PKD2L1: variants seen among roughly 807,000 people sequenced by gnomAD.
PKD2L1 encodes the protein polycystin 2 like 1, transient receptor potential cation channel.
Under a neutral mutation model 93.0 loss-of-function variants are expected in PKD2L1, and 77 were observed. The ratio of observed to expected loss-of-function variants is 0.83; its 90% CI spans 0.69 to 1.00. PKD2L1 has a LOEUF of 1.00. PKD2L1 is among the 50% of genes least tolerant of loss of function. The pLI is 0.00. For missense variants in PKD2L1, 977 were observed against 990.9 expected (o/e 0.99, Z 0.19); for synonymous variants, 390 against 388.0 (o/e 1.01, Z -0.06).
At position 100,329,331 on chromosome 10, in the gene PKD2L1, G is replaced by C. The variant is rs1438400379; in HGVS notation, c.236-7C>G. On this transcript the variant is annotated splice_region_variant and splice_polypyrimidine_tract_variant and intron_variant, in intron 1 of 15. Transcript: ENST00000318222. ...AGGGTTGTTCCCCAAAGTCCTAAGG[G>C]GCATGGGAGAGATGCCTGGGATGCT... The C allele has an allele frequency of 6.2e-7, 1 of 1,614,114 alleles. No individual in the cohort carries two copies. Among genetic ancestry groups the C allele is most frequent in the South Asian group, 1.1e-5 (1 of 91,082 alleles).
At chr10:100,315,642 A>G (rs1849085141) in intron 2 of PKD2L1, among the ~76,000 whole-genome samples, 1 of 152,212 alleles carries the variant, frequency 6.6e-6, no homozygotes, top group African/African-American at 2.4e-5. Flanking sequence ...TTTAATAAAT[A>G]TATTACCAGT....
chr10:100,313,215 A>C (rs1204116144), intron 2 of PKD2L1, among the ~76,000 whole-genome samples: 1 of 152,236 alleles, frequency 6.6e-6, no homozygotes, highest in African/African-American at 2.4e-5. Context: ...CAAAGAGTAT[A>C]CTAGTGCTGA....
chr10:100,300,861 T>TG (rs1848658644), intron 2 of PKD2L1, among the ~76,000 whole-genome samples: 2 of 152,216 alleles, frequency 1.3e-5, no homozygotes, highest in Non-Finnish European at 2.9e-5. Context: ...GTGATTTTTT[T>TG]TTTCACTGTT....
intron 1 of PKD2L1, among the ~76,000 whole-genome samples, chr10:100,329,591 G>A (rs3750713): frequency 0.044 from 6,686 of 152,208 alleles, 300 homozygotes; most frequent in African/African-American, 0.11. Flanking sequence ...GTAGTCTAGG[G>A]CATCATCACA....
At chr10:100,297,702 TTGTGTGTGTGTG>T (rs60373525) in intron 4 of PKD2L1, 96 bp from the exon 5 acceptor site, 19,228 of 605,594 alleles carry the variant, frequency 0.032, 130 homozygotes, top group Non-Finnish European at 0.035. Flanking sequence ...GGTTTACATA[TTGTGTGTGTGTG>T]TGTGTGTGTG....
intron 13 of PKD2L1, 112 bp downstream of exon 13, chr10:100,290,289 G>C: frequency 8.0e-7 from 1 of 1,248,810 alleles, no homozygotes; most frequent in Non-Finnish European, 1.1e-6. Context: ...GGGGAGCGGA[G>C]GTTCTCCCTG....
At position 100,297,150 on chromosome 10, in the gene PKD2L1, C is replaced by G; in HGVS notation, c.1015G>C (p.Val339Leu). 1 of 1,614,172 alleles carries G rather than the reference C, an allele frequency of 6.2e-7. No individual in the cohort carries two copies. Among genetic ancestry groups the G allele is most frequent in the Non-Finnish European group, 8.5e-7 (1 of 1,180,044 alleles). ...TTGCTGACATAGCGGATCAGCTTGACTGTGCGGATTTGCCAGGATGGGATG... is the reference window on the plus strand; with the variant it reads ...TTGCTGACATAGCGGATCAGCTTGAGTGTGCGGATTTGCCAGGATGGGATG... ...GAIPSWQIRT[V>L]KLIRYVSNWD... The change falls in exon 6 of 16, where the codon GTC (valine) becomes CTC (leucine). Residue 339 changes from valine to leucine, a missense_variant. By Grantham distance (32) the Val-to-Leu change is conservative (BLOSUM62 1). Transcript: ENST00000318222.
rs1430770476 is a variant in PKD2L1, at chr10:100,314,958, AGAAAGAAGGAAGGAAGGAAGGAAG to A, written c.349+14229_349+14252del. On this transcript the variant is annotated intron_variant, in intron 2 of 15. Coordinates refer to ENST00000318222, the MANE Select transcript of PKD2L1 (RefSeq NM_016112.3). ...GCTAAGGCAGAAAAGAAAGAAAGAAAGAAAGAAGGAAGGAAGGAAGGAAGGAAGGAAGGAAGGAAGGAAGGAAGG... is the reference window on the plus strand; with the variant it reads ...GCTAAGGCAGAAAAGAAAGAAAGAAAGAAGGAAGGAAGGAAGGAAGGAAGG... 1.8e-3 allele frequency among the ~76,000 whole-genome samples: 80 copies of A among 43,732 alleles called. 5 individuals are homozygous for A. The highest frequency in any genetic ancestry group is 0.023 in the Middle Eastern group (2 of 88). 28.7% of individuals were successfully genotyped at this position (43,732 alleles called of 152,430 possible).
chr10:100,304,560 C>T (rs1848756347), intron 2 of PKD2L1, among the ~76,000 whole-genome samples: 1 of 151,948 alleles, frequency 6.6e-6, no homozygotes, highest in Admixed American at 6.6e-5. Flanking sequence ...GTGGCACTAT[C>T]ATAGCTCACT....
chr10:100,292,816 G>A, intron 11 of PKD2L1, 132 bp downstream of exon 11: 1 of 922,190 alleles, frequency 1.1e-6, no homozygotes, highest in Non-Finnish European at 1.6e-6. Flanking sequence ...TACGGGCAAA[G>A]ATCTGAAGCC....
At chr10:100,328,730 A>T (rs1849433993) in intron 2 of PKD2L1, among the ~76,000 whole-genome samples, 1 of 151,954 alleles carries the variant, frequency 6.6e-6, no homozygotes, top group Non-Finnish European at 1.5e-5. Flanking sequence ...AGTAGCTGGG[A>T]TTACAGGCAC....
rs1281040819 is a variant in PKD2L1, at chr10:100,298,658, A to C, written c.635T>G (p.Val212Gly). ...AATGTCCTCCCGGAAGTCTTCATGC[A>C]CCACACAGGAGTCATTGCGGACCTT... Reference protein sequence around the residue: ...QLKVRNDSCVVHEDFREDILS... With the variant: ...QLKVRNDSCVGHEDFREDILS... The change falls in exon 4 of 16, where the codon GTG (valine) becomes GGG (glycine). Residue 212 changes from valine (V) to glycine (G), a missense_variant. Val to Gly is a moderately radical substitution (Grantham distance 109). Transcript: ENST00000318222. 3.7e-6 allele frequency: 6 copies of C among 1,614,144 alleles called. No homozygotes were observed. The East Asian group carries it at 1.3e-4, about 36-fold the overall frequency.
rs139568989 is a variant in PKD2L1 at position 100,298,726 on chromosome 10, G to A, written c.567C>T (p.Tyr189=). 519 of 1,614,096 alleles carry A rather than the reference G, an allele frequency of 3.2e-4. No individual in the cohort carries two copies. The African/African-American group carries it at 6.1e-3, about 19-fold the overall frequency. ...SLGHGSHSFI[Y]YENMLLGVPR... is the part of the protein sequence containing the mutation. Reference sequence around the variant, plus strand: ...GAACCCCCAGCAGCATGTTCTCATAGTAGATGAAGGAGTGGGAGCCATGGC... The same window carrying A: ...GAACCCCCAGCAGCATGTTCTCATAATAGATGAAGGAGTGGGAGCCATGGC... Residue 189 remains tyrosine, a synonymous_variant, in exon 4 of 16, where the codon TAC becomes TAT. Coordinates refer to ENST00000318222, the MANE Select transcript of PKD2L1 (RefSeq NM_016112.3).
At chr10:100,297,931 CT>C (rs920213748) in intron 4 of PKD2L1, among the ~76,000 whole-genome samples, 2 of 152,222 alleles carry the variant, frequency 1.3e-5, no homozygotes, top group South Asian at 2.1e-4. Context: ...TGATTTTTCA[CT>C]ATGTCACTCA....
chr10:100,321,775 G>A lies in PKD2L1; in HGVS notation c.349+7436C>T, dbSNP rs1589682373. ...AGAAAGAAGGGAGGGAGGGAGGGAG[G>A]GAGGGAGGGAGGGAGGGAGGGAGGG... On this transcript the variant is annotated intron_variant, in intron 2 of 15. Coordinates refer to ENST00000318222, the MANE Select transcript of PKD2L1 (RefSeq NM_016112.3). Among the ~76,000 whole-genome samples, 5 of 4,542 alleles carry A rather than the reference G, an allele frequency of 1.1e-3. 2 individuals carry two copies. Among genetic ancestry groups the A allele is most frequent in the African/African-American group, 5.0e-3 (5 of 1,008 alleles). The allele number at this position is 4,542 out of a possible 152,430, so 3.0% of individuals were successfully genotyped here. A position where few individuals can be genotyped will look rare whatever the true frequency, so the allele number is the denominator to read the frequency against.
rs375500178 is a variant in PKD2L1 at position 100,290,397 on chromosome 10, G to A, written c.2126+4C>T. The A allele has an allele frequency of 2.3e-5, 37 of 1,589,140 alleles. No homozygotes were observed. The highest frequency in any genetic ancestry group is 4.0e-5 in the African/African-American group (3 of 74,454). On this transcript the variant is annotated splice_donor_region_variant and intron_variant, in intron 13 of 15. Transcript: ENST00000318222. ...CTGAACCAGCCTTTCTTGGCTGCAC[G>A]TACATGTAGAATTCTTCTCCTGAAA...
Position 100,330,073 on chromosome 10 carries a change from C to T in PKD2L1, c.31G>A (p.Glu11Lys). 6 of 1,601,122 alleles carry T rather than the reference C, an allele frequency of 3.7e-6. No individual in the cohort carries two copies. The highest frequency in any genetic ancestry group is 5.1e-6 in the Non-Finnish European group (6 of 1,172,074). Residue 11 changes from glutamate to lysine, a missense_variant, in exon 1 of 16, where the codon GAG (glutamate) becomes AAG (lysine). By Grantham distance (56) the Glu-to-Lys change is moderately conservative. Coordinates refer to ENST00000318222, the MANE Select transcript of PKD2L1 (RefSeq NM_016112.3). MNAVGSPEGQ[E>K]LQKLGSGAWD... Reference sequence around the variant, plus strand: ...GCTCCACTCCCCAGCTTTTGCAGCTCCTGCCCCTCAGGACTTCCCACAGCA... The same window carrying T: ...GCTCCACTCCCCAGCTTTTGCAGCTTCTGCCCCTCAGGACTTCCCACAGCA...
chr10:100,313,758 C>T (rs956966466), intron 2 of PKD2L1, among the ~76,000 whole-genome samples: 2 of 152,140 alleles, frequency 1.3e-5, no homozygotes, highest in African/African-American at 2.4e-5. Context: ...TGATTACTGG[C>T]ATTGGTTCAA....
intron 7 of PKD2L1, among the ~76,000 whole-genome samples, chr10:100,295,474 G>A (rs1348494534): frequency 6.7e-6 from 1 of 148,754 alleles, no homozygotes; most frequent in Non-Finnish European, 1.5e-5. Flanking sequence ...GTTCACTCCT[G>A]CAATCCCAGC....
Sources: allele counts gnomAD v4.1 joint callset (sites outside exome capture counted in the v4.1 genomes callset), GRCh38; gene constraint gnomAD v4.1.1; transcripts MANE v1.5; gene names NCBI Gene and HGNC (gene_info 2026-07-23, HGNC 2026-07-21).